DOCK1: variants seen among roughly 807,000 people sequenced by gnomAD.
DOCK1 encodes the protein dedicator of cytokinesis protein 1.
A neutral mutation model predicts 262.7 loss-of-function variants in DOCK1; 138 were observed. The ratio of observed to expected loss-of-function variants is 0.53; its 90% confidence interval spans 0.46 to 0.61. The LOEUF is 0.61. Among genes scored for constraint, DOCK1 ranks in the 20% least tolerant of loss-of-function variants. The pLI, the probability that DOCK1 is intolerant of heterozygous loss-of-function variation, is 0.00. For synonymous variants in DOCK1, 866 were observed against 867.4 expected (o/e 1.00, Z 0.03); for missense variants, 1,908 against 2,370.7 (o/e 0.80, Z 4.05).
At chr10:127,292,443 C>T (rs891311630) in intron 29 of DOCK1, among the ~76,000 whole-genome samples, 8 of 152,226 alleles carry the variant, frequency 5.3e-5, no homozygotes, top group South Asian at 4.2e-4. Context: ...AAACAGTACA[C>T]GGAGGCCTTT....
intron 23 of DOCK1, among the ~76,000 whole-genome samples, chr10:127,093,577 C>T (rs1362108564): frequency 6.6e-6 from 1 of 151,956 alleles, no homozygotes; most frequent in African/African-American, 2.4e-5. Context: ...TGGTCTTGAA[C>T]TCCTGAGCTC....
At chr10:127,316,183 T>C (rs1438597474) in intron 29 of DOCK1, among the ~76,000 whole-genome samples, 2 of 152,232 alleles carry the variant, frequency 1.3e-5, no homozygotes, top group Non-Finnish European at 2.9e-5. Context: ...ACCTAAAATT[T>C]ACTCACGTAG....
intron 29 of DOCK1, among the ~76,000 whole-genome samples, chr10:127,281,955 G>T (rs992585691): frequency 1.3e-5 from 2 of 152,130 alleles, no homozygotes; most frequent in African/African-American, 4.8e-5. Flanking sequence ...TTGGCTTCAT[G>T]TTGGAAGTAT....
At chr10:127,049,029 A>G (rs2044531392) in intron 21 of DOCK1, among the ~76,000 whole-genome samples, 1 of 151,546 alleles carries the variant, frequency 6.6e-6, no homozygotes, top group Admixed American at 6.6e-5. Context: ...AAATGCGGGT[A>G]TAACAATTGG....
chr10:126,946,882 G>A (rs1403790032), intron 1 of DOCK1, among the ~76,000 whole-genome samples: 2 of 152,308 alleles, frequency 1.3e-5, no homozygotes, highest in African/African-American at 4.8e-5. Flanking sequence ...ACTCTTTGCT[G>A]GAGGAAGTGC....
intron 29 of DOCK1, among the ~76,000 whole-genome samples, chr10:127,260,119 A>G (rs889587993): frequency 6.6e-6 from 1 of 152,072 alleles, no homozygotes; most frequent in Non-Finnish European, 1.5e-5. Context: ...CCTGGCCAGC[A>G]CCCCTACTCA....
intron 29 of DOCK1, among the ~76,000 whole-genome samples, chr10:127,263,888 A>T (rs2060265233): frequency 6.6e-6 from 1 of 152,142 alleles, no homozygotes; most frequent in Admixed American, 6.6e-5. Flanking sequence ...AGGGTGCTTG[A>T]GTTTATGTAC....
At chr10:126,929,080 AC>A (rs1289079824) in intron 1 of DOCK1, among the ~76,000 whole-genome samples, 10 of 152,226 alleles carry the variant, frequency 6.6e-5, no homozygotes, top group African/African-American at 2.4e-4. Context: ...TCCATCAGGT[AC>A]AGGTGGAATT....
At chr10:127,065,965 C>T (rs938433292) in intron 23 of DOCK1, among the ~76,000 whole-genome samples, 10 of 152,122 alleles carry the variant, frequency 6.6e-5, no homozygotes, top group Non-Finnish European at 1.3e-4. Flanking sequence ...GACCGTCCCC[C>T]TCCCTGAGAC....
At chr10:126,969,013 G>A (rs1554963653) in intron 1 of DOCK1, among the ~76,000 whole-genome samples, 1 of 152,178 alleles carries the variant, frequency 6.6e-6, no homozygotes, top group Non-Finnish European at 1.5e-5. Context: ...CAATGTGCTT[G>A]CTTTGGCTTT....
intron 27 of DOCK1, among the ~76,000 whole-genome samples, chr10:127,134,283 T>G (rs1296466477): frequency 3.1e-4 from 47 of 152,284 alleles, no homozygotes; most frequent in Non-Finnish European, 4.4e-5. Context: ...GTTTATAGGT[T>G]GGAGTTGGTC....
At chr10:127,036,214 G>T (rs1004182137) in intron 18 of DOCK1, among the ~76,000 whole-genome samples, 2 of 152,112 alleles carry the variant, frequency 1.3e-5, no homozygotes, top group Non-Finnish European at 2.9e-5. Context: ...AGAACACTGA[G>T]GTGAAGTTAC....
chr10:127,237,359 T>C (rs1172308210), intron 27 of DOCK1, among the ~76,000 whole-genome samples: 6 of 28,874 alleles, frequency 2.1e-4, no homozygotes, highest in Non-Finnish European at 2.5e-4. Context: ...AAACTCCATC[T>C]CAGGAAAAAA....
intron 27 of DOCK1, chr10:127,138,060 T>G: frequency 1.3e-6 from 2 of 1,546,004 alleles, no homozygotes; most frequent in Non-Finnish European, 1.7e-6. Context: ...CATTTGATCT[T>G]TTCCATATGA....
intron 43 of DOCK1, among the ~76,000 whole-genome samples, chr10:127,411,715 C>T (rs2067860390): frequency 6.6e-6 from 1 of 152,016 alleles, no homozygotes; most frequent in Non-Finnish European, 1.5e-5. Context: ...TGGTGCACGC[C>T]TGTAATCCCA....
At chr10:127,335,846 C>T (rs1590531814) in intron 29 of DOCK1, among the ~76,000 whole-genome samples, 1 of 152,226 alleles carries the variant, frequency 6.6e-6, no homozygotes, top group East Asian at 1.9e-4. Context: ...TCCCGAGTAG[C>T]TGGGACTACG....
At chr10:126,992,094 G>A (rs2039831073) in intron 6 of DOCK1, among the ~76,000 whole-genome samples, 2 of 152,092 alleles carry the variant, frequency 1.3e-5, no homozygotes, top group South Asian at 2.1e-4. Flanking sequence ...CAAGATGTAG[G>A]GTTTGGATTA....
At chr10:127,238,627 C>T (rs1263462729) in intron 27 of DOCK1, among the ~76,000 whole-genome samples, 2 of 152,216 alleles carry the variant, frequency 1.3e-5, no homozygotes, top group East Asian at 1.9e-4. Flanking sequence ...TGTTTGTTGT[C>T]ATCGTTCATT....
At chr10:126,947,349 G>A (rs1194837330) in intron 1 of DOCK1, among the ~76,000 whole-genome samples, 224 of 124,718 alleles carry the variant, frequency 1.8e-3, no homozygotes, top group African/African-American at 5.5e-3. Flanking sequence ...GTTGGTGATG[G>A]TGGTGGTTGG....
Sources: gnomAD v4.1 joint callset for allele counts (sites outside exome capture counted in the v4.1 genomes callset) on GRCh38, gnomAD v4.1.1 for gene constraint, MANE v1.5 for transcripts, NCBI Gene and HGNC (gene_info 2026-07-23, HGNC 2026-07-21) for gene names.